The following ATF6 variants were observed in gnomAD, a reference collection of about 807,000 sequenced individuals.
ATF6 encodes activating transcription factor 6.
In ATF6, 53 loss-of-function variants were observed where a neutral mutation model predicts 83.6. That is an observed-to-expected ratio of 0.63 (90% CI 0.51 to 0.80). ATF6 has a LOEUF of 0.80. Ranked by LOEUF, ATF6 falls within the 30% of genes least tolerant of loss-of-function variation. The probability of loss-of-function intolerance (pLI) is 0.00; values close to 1 mark genes in which losing one functional copy is unlikely to be tolerated. For missense variants in ATF6, 744 were observed against 797.9 expected (o/e 0.93, Z 0.81); for synonymous variants, 288 against 285.8 (o/e 1.01, Z -0.08).
chr1:161,890,212 T>C (rs1687518931), intron 14 of ATF6, among the ~76,000 whole-genome samples: 1 of 152,250 alleles, frequency 6.6e-6, no homozygotes, highest in South Asian at 2.1e-4. Flanking sequence ...TTTTGTTAAT[T>C]GTCCCCAAAA....
At chr1:161,914,780 A>G (rs1204425855) in intron 15 of ATF6, among the ~76,000 whole-genome samples, 1 of 151,962 alleles carries the variant, frequency 6.6e-6, no homozygotes. Context: ...CTTAAATTCC[A>G]TGGTCCTGTC....
chr1:161,877,453 G>A (rs572761159), intron 14 of ATF6, among the ~76,000 whole-genome samples: 20 of 152,212 alleles, frequency 1.3e-4, no homozygotes, highest in African/African-American at 4.3e-4. Context: ...AGCATATGAA[G>A]GCAGTTAAGT....
intron 15 of ATF6, among the ~76,000 whole-genome samples, chr1:161,940,559 C>CTTTTTTTTTTTTT (rs71301060): frequency 8.4e-6 from 1 of 118,422 alleles, no homozygotes. Context: ...TCCTTCAGAT[C>CTTTTTTTTTTTTT]TTTTTTTTTT....
chr1:161,944,310 A>C (rs1036195527), intron 15 of ATF6, among the ~76,000 whole-genome samples: 3 of 152,212 alleles, frequency 2.0e-5, no homozygotes, highest in Admixed American at 2.0e-4. Context: ...AAGCAGCAGG[A>C]ATAATGAGAA....
At chr1:161,807,023 G>A (rs1256948786) in intron 7 of ATF6, among the ~76,000 whole-genome samples, 1 of 152,048 alleles carries the variant, frequency 6.6e-6, no homozygotes, top group Non-Finnish European at 1.5e-5. Context: ...TGTATAGCAA[G>A]CAGAAAGCAA....
rs144515879 is a variant in ATF6, at chr1:161,770,670, G to A, written c.82+4228G>A. 3.7e-3 allele frequency among the ~76,000 whole-genome samples: 569 copies of A among 152,280 alleles called. 1 individual carries two copies. Among genetic ancestry groups the A allele is most frequent in the Non-Finnish European group, 5.3e-3 (361 of 68,014 alleles). On this transcript the variant is annotated intron_variant, in intron 1 of 15. Coordinates refer to ENST00000367942, the MANE Select transcript of ATF6 (RefSeq NM_007348.4). ...ATTTGGGGTTAGGGCTTCAACATAC[G>A]AATTTTGGAGGACACAGTTTAGGCC...
rs747593382 is a variant in ATF6, at chr1:161,778,296, A to G, written c.135A>G (p.Gln45=). The part of the protein sequence containing the change: ...LGYFTDTDEL[Q]LEAANETYEN... ...ATTTCACAGACACTGATGAGCTGCA[A>G]TTGGAAGCAGCAAATGAGACGTATG... The change falls in exon 2 of 16, where the codon CAA becomes CAG. Residue 45 remains glutamine (Q), a synonymous_variant. Coordinates refer to ENST00000367942, the MANE Select transcript of ATF6 (RefSeq NM_007348.4). 11 of 1,613,658 alleles carry G rather than the reference A, an allele frequency of 6.8e-6. No homozygotes were observed. Among genetic ancestry groups the G allele is most frequent in the South Asian group, 1.1e-5 (1 of 91,062 alleles).
In ATF6 at chr1:161,817,757, T is replaced by C. The variant is rs143629691; in HGVS notation, c.910-1876T>C. Among the ~76,000 whole-genome samples the C allele has an allele frequency of 5.5e-4, 83 of 152,282 alleles. 1 individual carries two copies. In the East Asian group the frequency reaches 0.014, roughly 27 times the overall value. ...TGGTTGGCTTTGGCATACTTCTCTT[T>C]CTAGGAAATGTAGTATCAGGGTGGG... On this transcript the variant is annotated intron_variant, in intron 7 of 15. Transcript: ENST00000367942.
intron 7 of ATF6, among the ~76,000 whole-genome samples, chr1:161,810,108 G>C (rs537209781): frequency 6.6e-6 from 1 of 152,200 alleles, no homozygotes; most frequent in South Asian, 2.1e-4. Context: ...TCCTTGGGTG[G>C]GTTTCAGTGT....
chr1:161,816,785 T>C (rs1254025932), intron 7 of ATF6, among the ~76,000 whole-genome samples: 1 of 152,144 alleles, frequency 6.6e-6, no homozygotes. Context: ...TTTTCTTATA[T>C]AGGAAAATAC....
intron 14 of ATF6, among the ~76,000 whole-genome samples, chr1:161,886,831 A>G (rs930600562): frequency 5.9e-5 from 9 of 152,234 alleles, no homozygotes; most frequent in African/African-American, 2.2e-4. Flanking sequence ...AGCCAACTTC[A>G]TGGACTTAAC....
chr1:161,884,180 T>A (rs142180553), intron 14 of ATF6, among the ~76,000 whole-genome samples: 5 of 152,216 alleles, frequency 3.3e-5, no homozygotes, highest in African/African-American at 9.6e-5. Context: ...CAGATTAAAT[T>A]GTTTTTATTT....
intron 15 of ATF6, among the ~76,000 whole-genome samples, chr1:161,932,108 G>T (rs781425232): frequency 1.3e-5 from 2 of 152,080 alleles, no homozygotes; most frequent in Non-Finnish European, 2.9e-5. Flanking sequence ...TGTTATTCCT[G>T]TTACATAGAT....
intron 6 of ATF6, among the ~76,000 whole-genome samples, chr1:161,792,791 GACCTGAACTCTGCTTTCA>G (rs1005567628): frequency 2.1e-4 from 32 of 152,260 alleles, no homozygotes; most frequent in African/African-American, 7.2e-4. Flanking sequence ...GTCATGAGGA[GACCTGAACTCTGCTTTCA>G]ACTAGCTAAG....
rs142052441 is a variant in ATF6 at position 161,776,326 on chromosome 1, C to T, written c.83-1918C>T. On this transcript the variant is annotated intron_variant, in intron 1 of 15. Coordinates refer to ENST00000367942, the MANE Select transcript of ATF6 (RefSeq NM_007348.4). ...GGGCTGGGGCATGCTGGCATCTTTG[C>T]TGGGCAATAGTCTCTCCCACACCAT... 1.0e-3 allele frequency among the ~76,000 whole-genome samples: 154 copies of T among 152,292 alleles called. 1 individual carries two copies. Among genetic ancestry groups the T allele is most frequent in the African/African-American group, 3.6e-3 (149 of 41,564 alleles).
At chr1:161,873,766 T>G (rs1428076762) in intron 14 of ATF6, among the ~76,000 whole-genome samples, 1 of 151,522 alleles carries the variant, frequency 6.6e-6, no homozygotes, top group Non-Finnish European at 1.5e-5. Flanking sequence ...TAAATAATAA[T>G]AAGTCTGTTT....
intron 15 of ATF6, among the ~76,000 whole-genome samples, chr1:161,934,662 AT>A (rs1360278182): frequency 6.6e-6 from 1 of 151,998 alleles, no homozygotes; most frequent in African/African-American, 2.4e-5. Flanking sequence ...TAAGCTAGTG[AT>A]TTTTTCCCCT....
intron 14 of ATF6, among the ~76,000 whole-genome samples, chr1:161,867,153 G>A (rs895214955): frequency 6.6e-6 from 1 of 152,050 alleles, no homozygotes; most frequent in Non-Finnish European, 1.5e-5. Context: ...AAATTAGCCG[G>A]GCGTGGTGGT....
chr1:161,889,299 A>G (rs900015584), intron 14 of ATF6, among the ~76,000 whole-genome samples: 1 of 152,098 alleles, frequency 6.6e-6, no homozygotes, highest in African/African-American at 2.4e-5. Context: ...ACTCAAGACA[A>G]CCCTGAAGGA....
Sources: allele counts gnomAD v4.1 joint callset (sites outside exome capture counted in the v4.1 genomes callset), GRCh38; gene constraint gnomAD v4.1.1; transcripts MANE v1.5; gene names NCBI Gene and HGNC (gene_info 2026-07-23, HGNC 2026-07-21).